Variants in ASCC1 observed in about 807,000 individuals in gnomAD.
ASCC1 encodes the protein ASC-1 complex subunit P50.
A neutral mutation model predicts 46.6 loss-of-function variants in ASCC1; 35 were observed. The observed-to-expected ratio is 0.75, with a 90% CI of 0.57 to 0.99. ASCC1 has a LOEUF of 0.99. Ranked by LOEUF, ASCC1 falls within the 50% of genes least tolerant of loss-of-function variation. The pLI is 0.00. For missense variants in ASCC1, 376 were observed against 428.7 expected (o/e 0.88, Z 1.09); for synonymous variants, 143 against 146.6 (o/e 0.98, Z 0.18).
chr10:72,210,560 T>G (rs1190097276), intron 3 of ASCC1, among the ~76,000 whole-genome samples, 172 bp downstream of exon 3: 1 of 152,202 alleles, frequency 6.6e-6, no homozygotes, highest in African/African-American at 2.4e-5. Flanking sequence ...GTGATACATG[T>G]GGAACAATGA....
chr10:72,127,357 T>C (rs1844987908), intron 9 of ASCC1, among the ~76,000 whole-genome samples: 1 of 152,148 alleles, frequency 6.6e-6, no homozygotes, highest in Non-Finnish European at 1.5e-5. Flanking sequence ...GAAAGACAAA[T>C]GTAATCCTGA....
intron 7 of ASCC1, among the ~76,000 whole-genome samples, chr10:72,147,691 C>T (rs1336263725): frequency 2.0e-5 from 3 of 152,232 alleles, no homozygotes; most frequent in African/African-American, 7.2e-5. Flanking sequence ...TTACCCAAAT[C>T]ACTTAGGCTC....
intron 6 of ASCC1, among the ~76,000 whole-genome samples, chr10:72,155,538 T>C (rs966539777): frequency 6.6e-6 from 1 of 152,228 alleles, no homozygotes; most frequent in African/African-American, 2.4e-5. Flanking sequence ...GATCTGTGCA[T>C]TTTTAGTGTA....
Position 72,104,837 on chromosome 10 carries a change from A to C in ASCC1, c.958-7387T>G, listed in dbSNP as rs7893162. ...ATCGCTGTGATATAATTAGTAAATA[A>C]TAAGTACTGACTTGGACGATTTAAG... On this transcript the variant is annotated intron_variant, in intron 9 of 9. Transcript: ENST00000672957. 1.9e-3 allele frequency among the ~76,000 whole-genome samples: 284 copies of C among 152,300 alleles called. 2 individuals are homozygous for C. Among genetic ancestry groups the C allele is most frequent in the African/African-American group, 6.2e-3 (256 of 41,526 alleles).
chr10:72,192,050 TAAGAG>T, intron 5 of ASCC1, among the ~76,000 whole-genome samples: 1 of 151,792 alleles, frequency 6.6e-6, no homozygotes, highest in East Asian at 1.9e-4. Context: ...AAGACACGAA[TAAGAG>T]AATGAAAAGA....
chr10:72,112,938 T>C (rs1003838522), intron 9 of ASCC1, among the ~76,000 whole-genome samples: 2 of 150,860 alleles, frequency 1.3e-5, no homozygotes, highest in Non-Finnish European at 2.9e-5. Flanking sequence ...ACCCACTCAT[T>C]TCATCAGTGA....
chr10:72,191,868 G>A (rs1337682828), intron 5 of ASCC1, among the ~76,000 whole-genome samples: 22 of 150,506 alleles, frequency 1.5e-4, no homozygotes, highest in Admixed American at 1.4e-3. Flanking sequence ...GGCTGGTCTC[G>A]AACTCCTGAC....
chr10:72,163,016 C>T (rs1274286701), intron 5 of ASCC1, among the ~76,000 whole-genome samples: 8 of 151,708 alleles, frequency 5.3e-5, no homozygotes, highest in Admixed American at 4.6e-4. Flanking sequence ...GCAGAACTGG[C>T]TAACAAGCAC....
intron 3 of ASCC1, among the ~76,000 whole-genome samples, chr10:72,208,153 A>G (rs1857486722): frequency 6.6e-6 from 1 of 152,102 alleles, no homozygotes; most frequent in Admixed American, 6.6e-5. Context: ...TTACCTATTA[A>G]TTAGGATTTA....
rs1855523596 is a variant in ASCC1 at position 72,196,947 on chromosome 10, G to A, written c.353C>T (p.Thr118Ile). Residue 118 changes from threonine (T) to isoleucine (I), a missense_variant, in exon 5 of 10, where the codon ACA becomes ATA. Coordinates refer to ENST00000672957, the MANE Select transcript of ASCC1 (RefSeq NM_001198800.3). Reference protein sequence around the residue: ...QHRNGVISARTRIDVLLDTFR... With the variant: ...QHRNGVISARIRIDVLLDTFR... ...AGTGTCCAAAAGAACATCAATCCGT[G>A]TTCGGGCTGAAATTACACCATTTCG... 6.2e-7 allele frequency: 1 copy of A among 1,613,498 alleles called. No homozygotes were observed. The highest frequency in any genetic ancestry group is 8.5e-7 in the Non-Finnish European group (1 of 1,180,018).
chr10:72,114,891 C>T (rs888303944), intron 9 of ASCC1, among the ~76,000 whole-genome samples: 9 of 152,050 alleles, frequency 5.9e-5, no homozygotes, highest in Admixed American at 1.3e-4. Flanking sequence ...ACCACAAGTA[C>T]ACAACTGTGC....
chr10:72,189,511 C>A (rs1032766110), intron 5 of ASCC1, among the ~76,000 whole-genome samples: 2 of 151,852 alleles, frequency 1.3e-5, no homozygotes, highest in Non-Finnish European at 1.5e-5. Flanking sequence ...TCTGAAGAAC[C>A]AAAGATACTG....
intron 9 of ASCC1, among the ~76,000 whole-genome samples, chr10:72,117,906 A>G (rs1843684014): frequency 6.6e-6 from 1 of 152,262 alleles, no homozygotes; most frequent in Admixed American, 6.5e-5. Flanking sequence ...AAGGCACAAG[A>G]GCCATGGTGA....
intron 5 of ASCC1, among the ~76,000 whole-genome samples, chr10:72,193,359 ATGTTGAGT>A (rs1160129134): frequency 6.6e-6 from 1 of 152,104 alleles, no homozygotes; most frequent in East Asian, 1.9e-4. Context: ...CAAAAGCACT[ATGTTGAGT>A]GAAAGAAGCC....
At chr10:72,203,615 C>T in intron 3 of ASCC1, 91 bp from the exon 4 acceptor site, 1 of 953,926 alleles carries the variant, frequency 1.0e-6, no homozygotes, top group South Asian at 1.3e-5. Context: ...ACAAGAGATA[C>T]TCCCTTACAG....
chr10:72,103,999 A>G (rs1842078023), intron 9 of ASCC1, among the ~76,000 whole-genome samples: 2 of 152,164 alleles, frequency 1.3e-5, no homozygotes, highest in Non-Finnish European at 2.9e-5. Flanking sequence ...GTATTAAATA[A>G]ATTTGTATGT....
chr10:72,205,630 CAA>C (rs35572254), intron 3 of ASCC1, among the ~76,000 whole-genome samples: 10,748 of 116,764 alleles, frequency 0.092, 1,127 homozygotes, highest in African/African-American at 0.25. Flanking sequence ...AACTCCATCT[CAA>C]AAAAAAAAAA....
At chr10:72,124,723 CTT>C (rs34682603) in intron 9 of ASCC1, among the ~76,000 whole-genome samples, 18 of 118,622 alleles carry the variant, frequency 1.5e-4, no homozygotes, top group Admixed American at 3.4e-4. Flanking sequence ...CAAACAACAT[CTT>C]TTTTTTTTTT....
intron 5 of ASCC1, among the ~76,000 whole-genome samples, chr10:72,166,308 A>G (rs1347653365): frequency 6.6e-6 from 1 of 152,190 alleles, no homozygotes; most frequent in Admixed American, 6.5e-5. Flanking sequence ...TGGTTTTAAC[A>G]TCTGCCTTTT....
Sources: allele counts gnomAD v4.1 joint callset (sites outside exome capture counted in the v4.1 genomes callset), GRCh38; gene constraint gnomAD v4.1.1; transcripts MANE v1.5; gene names NCBI Gene and HGNC (gene_info 2026-07-23, HGNC 2026-07-21).